Variants in CRY1 observed in about 807,000 individuals in gnomAD.
The protein encoded by CRY1 is cryptochrome-1.
A neutral mutation model predicts 76.0 loss-of-function variants in CRY1; 45 were observed. The observed-to-expected ratio is 0.59, with a 90% CI of 0.47 to 0.76. The LOEUF (loss-of-function observed/expected upper bound fraction) is 0.76, where lower values mean the gene tolerates loss of function less well. CRY1 is among the 30% of genes least tolerant of loss of function. The pLI is 0.00. For missense variants in CRY1, 587 were observed against 716.4 expected (o/e 0.82, Z 2.06); for synonymous variants, 248 against 244.0 (o/e 1.02, Z -0.15).
rs1953149760 is a variant in CRY1, at chr12:107,069,277, T to C, written c.158+23527A>G. 4.7e-5 allele frequency among the ~76,000 whole-genome samples: 7 copies of C among 150,260 alleles called. No homozygotes were observed. The South Asian group carries it at 1.5e-3, about 31-fold the overall frequency. ...TCTTGCTCTGTCATCCAGGCTGGAG[T>C]GCAGTGGTGCAATCTTGGCTCACTG... On this transcript the variant is annotated intron_variant, in intron 1 of 12. Coordinates refer to ENST00000008527, the MANE Select transcript of CRY1 (RefSeq NM_004075.5).
At chr12:107,069,587 GTATATATATA>G in intron 1 of CRY1, among the ~76,000 whole-genome samples, 1 of 40,414 alleles carries the variant, frequency 2.5e-5, no homozygotes, top group Middle Eastern at 0.02. Flanking sequence ...TATATATAAA[GTATATATATA>G]TAAAGTATAT....
At position 106,997,522 on chromosome 12, in the gene CRY1, C is replaced by T. The variant is rs746706511; in HGVS notation, c.1458G>A (p.Gln486=). The T allele has an allele frequency of 6.2e-7, 1 of 1,614,062 alleles. No individual in the cohort carries two copies. The highest frequency in any genetic ancestry group is 1.7e-5 in the Admixed American group (1 of 60,024). Reference sequence around the variant, plus strand: ...TATATCGTGAAAGCTGCTGATAGATCTGTTTCATCCTTTCGATATTCAAAC... The same window carrying T: ...TATATCGTGAAAGCTGCTGATAGATTTGTTTCATCCTTTCGATATTCAAAC... ...ASRLNIERMK[Q]IYQQLSRYRG... The change falls in exon 9 of 13, where the codon CAG becomes CAA. Residue 486 remains glutamine (Q), a synonymous_variant. Coordinates refer to ENST00000008527, the MANE Select transcript of CRY1 (RefSeq NM_004075.5).
intron 1 of CRY1, among the ~76,000 whole-genome samples, chr12:107,033,470 A>T (rs1952700688): frequency 6.6e-6 from 1 of 152,216 alleles, no homozygotes; most frequent in Admixed American, 6.5e-5. Context: ...AAAATTATAA[A>T]CTAATTTCAC....
chr12:107,077,041 T>A (rs1953263731), intron 1 of CRY1, among the ~76,000 whole-genome samples: 1 of 152,082 alleles, frequency 6.6e-6, no homozygotes, highest in South Asian at 2.1e-4. Flanking sequence ...TCTTTATATA[T>A]AACTCAGTCT....
chr12:107,031,535 A>G (rs1338442205), intron 1 of CRY1, among the ~76,000 whole-genome samples: 1 of 152,220 alleles, frequency 6.6e-6, no homozygotes, highest in African/African-American at 2.4e-5. Context: ...ACTTTACAGC[A>G]GTGAATACTG....
chr12:106,996,112 C>T (rs571378107), intron 10 of CRY1, among the ~76,000 whole-genome samples: 1 of 152,340 alleles, frequency 6.6e-6, no homozygotes, highest in South Asian at 2.1e-4. Context: ...TCCCAAAGTG[C>T]TGGGATTACA....
chr12:107,030,410 T>C (rs1952662270), intron 1 of CRY1, among the ~76,000 whole-genome samples: 1 of 152,208 alleles, frequency 6.6e-6, no homozygotes, highest in Non-Finnish European at 1.5e-5. Flanking sequence ...TTGTACTACA[T>C]AATGTGACTT....
rs199643186 is a variant in CRY1, at chr12:106,999,775, G to A, written c.913C>T (p.Arg305Cys). The change falls in exon 7 of 13, where the codon CGC becomes TGC. Residue 305 changes from arginine to cysteine, a missense_variant. Arg to Cys is a radical substitution (Grantham distance 180, BLOSUM62 -3). Coordinates refer to ENST00000008527, the MANE Select transcript of CRY1 (RefSeq NM_004075.5). ...GGGTTTCCTTCCATTTTATCAAAGC[G>A]TGGATTATTTGTTGCTGCTGTATAG... is the stretch of plus-strand genomic sequence containing the variant. ...FFYTAATNNP[R>C]FDKMEGNPIC... The A allele has an allele frequency of 2.7e-5, 43 of 1,614,092 alleles. No individual in the cohort carries two copies. The highest frequency in any genetic ancestry group is 6.7e-5 in the African/African-American group (5 of 74,924).
intron 2 of CRY1, among the ~76,000 whole-genome samples, chr12:107,010,632 C>T (rs1003302975): frequency 3.3e-5 from 5 of 151,596 alleles, no homozygotes; most frequent in Non-Finnish European, 4.4e-5. Flanking sequence ...TTTTAAGAGA[C>T]GTGGTTTCAC....
At chr12:106,992,547 A>G (rs1952190316) in intron 12 of CRY1, 1 of 342,032 alleles carries the variant, frequency 2.9e-6, no homozygotes, top group African/African-American at 2.1e-5. Context: ...ACAAAATCAT[A>G]AACATCTCTA....
chr12:107,067,060 T>G (rs1464517553), intron 1 of CRY1, among the ~76,000 whole-genome samples: 1 of 152,174 alleles, frequency 6.6e-6, no homozygotes, highest in Non-Finnish European at 1.5e-5. Context: ...TCCTCCCACC[T>G]TGGTCTCTCA....
At chr12:107,015,107 A>G (rs1433835080) in intron 2 of CRY1, among the ~76,000 whole-genome samples, 13 of 152,010 alleles carry the variant, frequency 8.6e-5, no homozygotes, top group Admixed American at 8.5e-4. Flanking sequence ...TGCACTCCCG[A>G]CCTTGTGATC....
chr12:107,075,307 A>T (rs1953239099), intron 1 of CRY1, among the ~76,000 whole-genome samples: 1 of 152,214 alleles, frequency 6.6e-6, no homozygotes, highest in South Asian at 2.1e-4. Context: ...TAAATTTTAT[A>T]TAAACTGAGA....
In CRY1 at chr12:107,065,315, G is replaced by A. The variant is rs975542159; in HGVS notation, c.158+27489C>T. 4.0e-5 allele frequency among the ~76,000 whole-genome samples: 6 copies of A among 151,358 alleles called. No homozygotes were observed. The South Asian group carries it at 6.3e-4, about 16-fold the overall frequency. On this transcript the variant is annotated intron_variant, in intron 1 of 12. Coordinates refer to ENST00000008527, the MANE Select transcript of CRY1 (RefSeq NM_004075.5). ...GTCTGAAAAAAAAGGAGTAAAGGCC[G>A]GGCGCGGTGGCTCACATCTGTAATC... is the stretch of plus-strand genomic sequence containing the variant.
At chr12:107,079,659 A>C (rs1174212075) in intron 1 of CRY1, among the ~76,000 whole-genome samples, 1 of 152,098 alleles carries the variant, frequency 6.6e-6, no homozygotes, top group Non-Finnish European at 1.5e-5. Flanking sequence ...CTATTCTTTC[A>C]GTCTGGAATT....
chr12:107,055,205 CG>C (rs1254497372), intron 1 of CRY1, among the ~76,000 whole-genome samples: 2 of 151,868 alleles, frequency 1.3e-5, no homozygotes, highest in African/African-American at 4.8e-5. Context: ...CTGACCTTGA[CG>C]TATTTATGCT....
At chr12:107,067,862 C>T (rs774702170) in intron 1 of CRY1, among the ~76,000 whole-genome samples, 18 of 152,126 alleles carry the variant, frequency 1.2e-4, no homozygotes, top group Non-Finnish European at 1.2e-4. Flanking sequence ...GTTCCATGGG[C>T]CATAAGGCAG....
At chr12:107,074,792 A>G (rs1007464436) in intron 1 of CRY1, among the ~76,000 whole-genome samples, 7 of 152,208 alleles carry the variant, frequency 4.6e-5, no homozygotes, top group Admixed American at 4.6e-4. Flanking sequence ...AGGCGGGTGG[A>G]TTACCTGAGT....
At chr12:107,084,437 C>T (rs1219358191) in intron 1 of CRY1, among the ~76,000 whole-genome samples, 2 of 152,142 alleles carry the variant, frequency 1.3e-5, no homozygotes, top group African/African-American at 4.8e-5. Flanking sequence ...AACTATACTA[C>T]AAGGCTACAG....
Sources: gnomAD v4.1 joint callset for allele counts (sites outside exome capture counted in the v4.1 genomes callset) on GRCh38, gnomAD v4.1.1 for gene constraint, MANE v1.5 for transcripts, NCBI Gene and HGNC (gene_info 2026-07-23, HGNC 2026-07-21) for gene names.